SLC36A1: variants seen among roughly 807,000 people sequenced by gnomAD.
SLC36A1 encodes proton-coupled amino acid transporter 1.
Under a neutral mutation model 47.5 loss-of-function variants are expected in SLC36A1, and 30 were observed. The ratio of observed to expected loss-of-function variants is 0.63; its 90% CI spans 0.47 to 0.86. The LOEUF (loss-of-function observed/expected upper bound fraction) is 0.86. Ranked by LOEUF, SLC36A1 falls within the 40% of genes least tolerant of loss-of-function variation. The pLI, the probability that SLC36A1 is intolerant of heterozygous loss-of-function variation, is 0.00. For missense variants in SLC36A1, 517 were observed against 606.0 expected, an observed-to-expected ratio of 0.85 and a Z score of 1.54; for synonymous variants, 255 against 249.7, an observed-to-expected ratio of 1.02 and a Z score of -0.20.
At chr5:151,529,795 A>G in the SLC36A1 span, among the ~76,000 whole-genome samples, 1 of 152,226 alleles carries the variant, frequency 6.6e-6, no homozygotes, top group African/African-American at 2.4e-5. Context: ...CCCAGCTAGT[A>G]AATGACAGAC....
At chr5:151,542,136 G>A in the SLC36A1 span, 1 of 656,308 alleles carries the variant, frequency 1.5e-6, no homozygotes, top group Non-Finnish European at 2.6e-6. Flanking sequence ...TCTATAGGTG[G>A]AGAAACTGAG....
At chr5:151,429,582 C>T in the SLC36A1 span, among the ~76,000 whole-genome samples, 2,637 of 151,972 alleles carry the variant, frequency 0.017, 75 homozygotes, top group African/African-American at 0.06. Context: ...GCCACATTTT[C>T]TTAATCCAGT....
the SLC36A1 span, among the ~76,000 whole-genome samples, chr5:151,387,463 C>T: frequency 6.6e-6 from 1 of 152,168 alleles, no homozygotes; most frequent in Non-Finnish European, 1.5e-5. Flanking sequence ...GAGTCTCACT[C>T]AAGTGGCAAG....
the SLC36A1 span, among the ~76,000 whole-genome samples, chr5:151,402,999 A>G: frequency 3.3e-5 from 5 of 152,060 alleles, no homozygotes; most frequent in Admixed American, 1.3e-4. Flanking sequence ...TGCGGTCTCA[A>G]TATCATTTAG....
At chr5:151,476,518 GTTT>G in intron 8 of SLC36A1, 69 bp from the exon 9 acceptor site, 1 of 973,156 alleles carries the variant, frequency 1.0e-6, no homozygotes, top group Non-Finnish European at 1.4e-6. Context: ...TTTTTCTGAG[GTTT>G]TTTTTTTTCT....
chr5:151,386,020 C>A, the SLC36A1 span, among the ~76,000 whole-genome samples: 12 of 151,900 alleles, frequency 7.9e-5, no homozygotes, highest in Non-Finnish European at 1.8e-4. Flanking sequence ...TATAGGCGCC[C>A]GCCACCACGT....
the SLC36A1 span, among the ~76,000 whole-genome samples, chr5:151,546,663 C>T: frequency 2.0e-5 from 3 of 151,954 alleles, no homozygotes; most frequent in Admixed American, 6.6e-5. Flanking sequence ...TTCAGTGATG[C>T]CTTTTGTAGG....
At chr5:151,411,875 A>C in the SLC36A1 span, among the ~76,000 whole-genome samples, 1 of 144,870 alleles carries the variant, frequency 6.9e-6, no homozygotes, top group Non-Finnish European at 1.5e-5. Context: ...GATCTGGGCA[A>C]ATCACTGACA....
the SLC36A1 span, among the ~76,000 whole-genome samples, chr5:151,360,183 G>A: frequency 6.6e-6 from 1 of 152,094 alleles, no homozygotes; most frequent in Non-Finnish European, 1.5e-5. Flanking sequence ...CAGGGATTAG[G>A]AGCACAGACT....
chr5:151,548,100 C>T, the SLC36A1 span, among the ~76,000 whole-genome samples: 1 of 152,024 alleles, frequency 6.6e-6, no homozygotes, highest in African/African-American at 2.4e-5. Flanking sequence ...TCTTCTTCAG[C>T]GGTGAATAGA....
chr5:151,528,639 T>C, the SLC36A1 span, among the ~76,000 whole-genome samples: 1 of 152,046 alleles, frequency 6.6e-6, no homozygotes, highest in Non-Finnish European at 1.5e-5. Flanking sequence ...GATATTCCTG[T>C]GTGGTTGGAG....
At chr5:151,384,750 A>G in the SLC36A1 span, among the ~76,000 whole-genome samples, 12 of 152,270 alleles carry the variant, frequency 7.9e-5, no homozygotes, top group Non-Finnish European at 1.3e-4. Flanking sequence ...GCTCTTTGTT[A>G]TGTTGAGCTT....
the SLC36A1 span, among the ~76,000 whole-genome samples, chr5:151,361,729 T>C: frequency 1.3e-5 from 2 of 152,260 alleles, no homozygotes; most frequent in African/African-American, 4.8e-5. Context: ...TCTTTCATGC[T>C]GAAGAAGCTG....
At chr5:151,552,577 G>T in the SLC36A1 span, among the ~76,000 whole-genome samples, 2 of 152,202 alleles carry the variant, frequency 1.3e-5, no homozygotes, top group Non-Finnish European at 2.9e-5. Context: ...ATTTGTGTGT[G>T]TTTGTGCACA....
intron 10 of SLC36A1, among the ~76,000 whole-genome samples, chr5:151,482,954 A>G (rs152390): frequency 0.16 from 23,722 of 152,096 alleles, 2,106 homozygotes; most frequent in Non-Finnish European, 0.21. Context: ...GGAGAATGGC[A>G]TGAACCCAGG....
chr5:151,403,534 T>C, the SLC36A1 span, among the ~76,000 whole-genome samples: 1 of 152,208 alleles, frequency 6.6e-6, no homozygotes, highest in Admixed American at 6.5e-5. Context: ...AGCTTTGTCT[T>C]CTGCCATGAG....
chr5:151,430,021 A>G, the SLC36A1 span, among the ~76,000 whole-genome samples: 1 of 152,072 alleles, frequency 6.6e-6, no homozygotes, highest in Non-Finnish European at 1.5e-5. Context: ...TTGTTCATGC[A>G]TTCATTTTGC....
the SLC36A1 span, chr5:151,546,393 G>A: frequency 1.5e-6 from 2 of 1,367,276 alleles, no homozygotes; most frequent in African/African-American, 1.4e-5. Flanking sequence ...GTATCAGCTA[G>A]GCTTTCTAGA....
At chr5:151,382,611 C>A in the SLC36A1 span, among the ~76,000 whole-genome samples, 1 of 152,130 alleles carries the variant, frequency 6.6e-6, no homozygotes, top group African/African-American at 2.4e-5. Context: ...TGGTGTGTAA[C>A]CATAGTGTGC....
Sources: allele counts gnomAD v4.1 joint callset (sites outside exome capture counted in the v4.1 genomes callset), GRCh38; gene constraint gnomAD v4.1.1; transcripts MANE v1.5; gene names NCBI Gene and HGNC (gene_info 2026-07-23, HGNC 2026-07-21).